Variants in AKT2 observed in about 807,000 individuals in gnomAD.
AKT2 encodes AKT serine/threonine kinase 2, also known as RAC-beta serine/threonine-protein kinase.
Under a neutral mutation model 58.6 loss-of-function variants are expected in AKT2, and 16 were observed. The observed-to-expected ratio is 0.27, with a 90% CI of 0.18 to 0.41. AKT2 has a LOEUF of 0.41. Among genes scored for constraint, AKT2 ranks in the 10% least tolerant of loss-of-function variants. The pLI, the probability that AKT2 is intolerant of heterozygous loss-of-function variation, is 1.00. For synonymous variants in AKT2, 253 were observed against 254.0 expected (o/e 1.00, Z 0.04); for missense variants, 438 against 661.0 (o/e 0.66, Z 3.70).
At chr19:40,248,003 C>T (rs1184344748) in intron 4 of AKT2, among the ~76,000 whole-genome samples, 1 of 152,184 alleles carries the variant, frequency 6.6e-6, no homozygotes, top group Admixed American at 6.5e-5. Flanking sequence ...GGGCACAGTA[C>T]GGGGCAAGCA....
chr19:40,265,888 T>A (rs1344105081), intron 1 of AKT2: 1 of 159,638 alleles, frequency 6.3e-6, no homozygotes, highest in Admixed American at 5.9e-5. Context: ...CTAAGCACAC[T>A]CCCGTCCCCC....
Position 40,242,058 on chromosome 19 carries a change from G to C in AKT2, c.453C>G (p.Asp151Glu), listed in dbSNP as rs1974441912. ...TGCCAAGGAGTTTGAGATAGTCGAA[G>C]TCATTCATGGTCTGCCAGGGACAGG... ...SKARAKVTMN[D>E]FDYLKLLGKG... Residue 151 changes from aspartate to glutamate, a missense_variant, in exon 6 of 14, where the codon GAC becomes GAG. By Grantham distance (45) the Asp-to-Glu change is conservative (BLOSUM62 2). Around this residue, in one of 3 missense-constraint regions of AKT2, gnomAD observed 244 missense variants for 347.1 expected, o/e 0.70. Transcript: ENST00000392038. This position sits in a 1 kb window ranked among gnomAD's most constrained non-coding sequence, Gnocchi z 4.3. 5 of 1,614,232 alleles carry C rather than the reference G, an allele frequency of 3.1e-6. No individual in the cohort carries two copies. Among genetic ancestry groups the C allele is most frequent in the Non-Finnish European group, 4.2e-6 (5 of 1,180,046 alleles).
At chr19:40,241,499 A>G (rs1378509686) in intron 6 of AKT2, 1 of 267,694 alleles carries the variant, frequency 3.7e-6, no homozygotes, top group Non-Finnish European at 7.4e-6. Flanking sequence ...GGGGGTCCGT[A>G]ATATTTATTT....
At position 40,240,109 on chromosome 19, in the gene AKT2, T is replaced by C; in HGVS notation, c.575A>G (p.Asp192Gly). 1 of 1,613,876 alleles carries C rather than the reference T, an allele frequency of 6.2e-7. No individual in the cohort carries two copies. The change falls in exon 7 of 14, where the codon GAT becomes GGT. Residue 192 changes from aspartate to glycine, a missense_variant and splice_region_variant. Coordinates refer to ENST00000392038, the MANE Select transcript of AKT2 (RefSeq NM_001626.6). The part of the protein sequence containing the change: ...ILRKEVIIAK[D>G]EVAHTVTESR... ...CTCGGTGACTGTGTGAGCGACTTCA[T>C]CCTGCAGACAGACTGCGGGTGAGGG...
Position 40,257,028 on chromosome 19 carries a change from G to A in AKT2, c.73C>T (p.Arg25Trp), listed in dbSNP as rs2145307119. The change falls in exon 3 of 14, where the codon CGG becomes TGG. Residue 25 changes from arginine to tryptophan, a missense_variant. Physicochemically the swap from Arg to Trp is moderately radical, Grantham distance 101. Transcript: ENST00000392038. ...CCGTCGCTCTTCAGCAGGAAGTACC[G>A]TGGCCTCCAGGTCTTGATGTATTCA... ...RGEYIKTWRP[R>W]YFLLKSDGSF... The A allele has an allele frequency of 2.5e-6, 4 of 1,614,172 alleles. No individual in the cohort carries two copies. Among genetic ancestry groups the A allele is most frequent in the Admixed American group, 1.7e-5 (1 of 60,032 alleles).
intron 1 of AKT2, among the ~76,000 whole-genome samples, chr19:40,267,439 T>G (rs1447284192): frequency 1.3e-5 from 2 of 152,168 alleles, no homozygotes; most frequent in Non-Finnish European, 1.5e-5. Context: ...CTGGCCTCCA[T>G]CAGGGACAGC....
intron 1 of AKT2, among the ~76,000 whole-genome samples, chr19:40,271,521 C>T (rs550372513): frequency 1.8e-4 from 27 of 152,042 alleles, no homozygotes; most frequent in African/African-American, 6.0e-4. Context: ...GAGAAAGGCA[C>T]CTGGGGCAAG....
At chr19:40,276,142 A>G (rs1380864378) in intron 1 of AKT2, among the ~76,000 whole-genome samples, 1 of 151,852 alleles carries the variant, frequency 6.6e-6, no homozygotes, top group Non-Finnish European at 1.5e-5. Context: ...CAGGCCCAAG[A>G]GGAGCCAGAT....
Position 40,242,002 on chromosome 19 carries a change from C to T in AKT2, c.509G>A (p.Arg170Gln), listed in dbSNP as rs1974438519. The change falls in exon 6 of 14, where the codon CGG becomes CAG. Residue 170 changes from arginine (R) to glutamine (Q), a missense_variant. By Grantham distance (43) the Arg-to-Gln change is conservative. Transcript: ENST00000392038. The surrounding 1 kb of genome is among the most constrained non-coding windows in gnomAD (Gnocchi z 4.3). ...KGTFGKVILV[R>Q]EKATGRYYAM... ...GTAGTAGCGGCCAGTGGCCTTCTCC[C>T]GCACCAGGATGACTTTGCCAAAGGT... is the stretch of plus-strand genomic sequence containing the variant. The T allele has an allele frequency of 6.2e-7, 1 of 1,614,256 alleles. No homozygotes were observed. The highest frequency in any genetic ancestry group is 8.5e-7 in the Non-Finnish European group (1 of 1,180,054).
chr19:40,282,650 C>A, intron 1 of AKT2: 1 of 406,360 alleles, frequency 2.5e-6, no homozygotes, highest in Non-Finnish European at 5.1e-6. Flanking sequence ...CAGCCTGGAA[C>A]CTGGTGAGCA....
intron 6 of AKT2, 63 bp from the exon 7 acceptor site, chr19:40,240,173 C>G (rs555870471): frequency 2.9e-5 from 44 of 1,516,394 alleles, no homozygotes; most frequent in Non-Finnish European, 3.3e-5. Context: ...TCCGCCCCGA[C>G]GAAGGGGAGC....
At chr19:40,257,981 G>A (rs752395897) in intron 2 of AKT2, among the ~76,000 whole-genome samples, 2 of 152,022 alleles carry the variant, frequency 1.3e-5, no homozygotes, top group African/African-American at 2.4e-5. Flanking sequence ...GCACGGTGGC[G>A]CACACCTGTA....
intron 4 of AKT2, among the ~76,000 whole-genome samples, chr19:40,250,813 G>C (rs1260504329): frequency 6.6e-6 from 1 of 152,114 alleles, no homozygotes; most frequent in Admixed American, 6.5e-5. Context: ...GGGCAACAGA[G>C]ACCCCATCAA....
chr19:40,248,195 G>A (rs542316017), intron 4 of AKT2, among the ~76,000 whole-genome samples: 8 of 152,302 alleles, frequency 5.3e-5, no homozygotes, highest in South Asian at 2.1e-4. Flanking sequence ...CCTGTGCCTC[G>A]GTGGGTGAGG....
chr19:40,251,577 C>A lies in AKT2; in HGVS notation c.287+3581G>T, dbSNP rs571030316. ...AAAAATAAATAAATTAATAAAAAAT[C>A]AATGTCTTGGGGAGGAAAAAAAAAG... On this transcript the variant is annotated intron_variant, in intron 4 of 13. Transcript: ENST00000392038. Among the ~76,000 whole-genome samples, 6 of 151,842 alleles carry A rather than the reference C, an allele frequency of 4.0e-5. No individual in the cohort carries two copies. The East Asian group carries it at 9.7e-4, about 24-fold the overall frequency.
chr19:40,233,645 G>A lies in AKT2; in HGVS notation c.*227C>T, dbSNP rs1211145208. On this transcript the variant is annotated 3_prime_UTR_variant, in exon 14 of 14. Transcript: ENST00000392038. This position sits in a 1 kb window ranked among gnomAD's most constrained non-coding sequence, Gnocchi z 4.3. ...AACAGCCCAGGCCTGGGCGGGAGGTGGAGTCTTCCAAATGCGAGTCTGGGC... is the reference window on the plus strand; with the variant it reads ...AACAGCCCAGGCCTGGGCGGGAGGTAGAGTCTTCCAAATGCGAGTCTGGGC... 1.3e-6 allele frequency: 1 copy of A among 757,912 alleles called. No homozygotes were observed. Among genetic ancestry groups the A allele is most frequent in the Non-Finnish European group, 2.4e-6 (1 of 413,748 alleles). 46.9% of individuals were successfully genotyped at this position (757,912 alleles called of 1,614,324 possible).
chr19:40,257,167 G>A (rs1380388990), intron 2 of AKT2, 113 bp from the exon 3 acceptor site: 2 of 1,369,566 alleles, frequency 1.5e-6, no homozygotes, highest in South Asian at 1.2e-5. Context: ...CCACGGGGCG[G>A]GGAGGTGCGG....
Position 40,233,902 on chromosome 19 carries a change from C to T in AKT2, c.1416G>A (p.Gln472=). 6.2e-7 allele frequency: 1 copy of T among 1,612,046 alleles called. No individual in the cohort carries two copies. Among genetic ancestry groups the T allele is most frequent in the Non-Finnish European group, 8.5e-7 (1 of 1,179,882 alleles). The change falls in exon 14 of 14, where the codon CAG becomes CAA. Residue 472 remains glutamine (Q), a synonymous_variant. Transcript: ENST00000392038. The surrounding 1 kb of genome is among the most constrained non-coding windows in gnomAD (Gnocchi z 4.3). The part of the protein sequence containing the change: ...LELDQRTHFP[Q]FSYSASIRE ...CGCGGATGCTGGCCGAGTAGGAGAACTGGGGGAAGTGGGTCCGCTGGTCCA... is the reference window on the plus strand; with the variant it reads ...CGCGGATGCTGGCCGAGTAGGAGAATTGGGGGAAGTGGGTCCGCTGGTCCA...
chr19:40,247,487 G>T (rs560218540), intron 4 of AKT2, among the ~76,000 whole-genome samples: 1 of 152,144 alleles, frequency 6.6e-6, no homozygotes. Flanking sequence ...AGCACCACCC[G>T]CCTGTCCCTG....
Sources: gnomAD v4.1 joint callset for allele counts (sites outside exome capture counted in the v4.1 genomes callset) on GRCh38, gnomAD v4.1.1 for gene constraint, gnomAD v4.1.1 regional missense constraint, Gnocchi (gnomAD v3.1) non-coding constraint, MANE v1.5 for transcripts, NCBI Gene and HGNC (gene_info 2026-07-23, HGNC 2026-07-21) for gene names.